TARBP1: variants seen among roughly 807,000 people sequenced by gnomAD.
TARBP1 encodes the protein tRNA guanosine 2 -O-methyltransferase TARBP1, also known as tRNA (guanosine(18)-2'-O)-methyltransferase TARBP1.
In TARBP1, 144 loss-of-function variants were observed where a neutral mutation model predicts 178.6. The observed-to-expected ratio is 0.81, with a 90% CI of 0.70 to 0.93. The LOEUF is 0.93. Among genes scored for constraint, TARBP1 ranks in the 40% least tolerant of loss-of-function variants. The pLI, the probability that TARBP1 is intolerant of heterozygous loss-of-function variation, is 0.00. For missense variants in TARBP1, 2,067 were observed against 2,011.7 expected (o/e 1.03, Z -0.53); for synonymous variants, 787 against 781.0 (o/e 1.01, Z -0.13).
chr1:234,400,948 C>A, intron 25 of TARBP1: 1 of 355,788 alleles, frequency 2.8e-6, no homozygotes, highest in Non-Finnish European at 5.2e-6. Context: ...CCAGACACTG[C>A]CTGAGAAATA....
At chr1:234,411,225 G>A (rs541263462) in intron 22 of TARBP1, among the ~76,000 whole-genome samples, 3 of 152,270 alleles carry the variant, frequency 2.0e-5, no homozygotes, top group Admixed American at 1.3e-4. Flanking sequence ...GTATAACAGC[G>A]ATTTACATAG....
intron 26 of TARBP1, among the ~76,000 whole-genome samples, chr1:234,394,133 T>C (rs1039993): frequency 0.087 from 13,214 of 152,278 alleles, 640 homozygotes; most frequent in African/African-American, 0.097. Context: ...TTGAGACACA[T>C]CTTAGAATCC....
intron 21 of TARBP1, among the ~76,000 whole-genome samples, chr1:234,418,958 GTCAGAAGA>G (rs1662750409): frequency 6.6e-6 from 1 of 152,142 alleles, no homozygotes; most frequent in African/African-American, 2.4e-5. Context: ...GGATCACAAG[GTCAGAAGA>G]TCGAGACCAT....
In TARBP1 at chr1:234,478,197, T is replaced by G. The variant is rs749038530; in HGVS notation, c.907A>C (p.Thr303Pro). The G allele has an allele frequency of 1.9e-6, 3 of 1,611,288 alleles. No individual in the cohort carries two copies. The highest frequency in any genetic ancestry group is 2.5e-6 in the Non-Finnish European group (3 of 1,179,402). Residue 303 changes from threonine (T) to proline (P), a missense_variant, in exon 1 of 30, where the codon ACC becomes CCC. By Grantham distance (38) the Thr-to-Pro change is conservative (BLOSUM62 -1). Coordinates refer to ENST00000040877, the MANE Select transcript of TARBP1 (RefSeq NM_005646.4). ...EVSAELGADC[T>P]CGPQEGNGPS... ...CCGTTTCCTTCCTGGGGCCCGCAGG[T>G]GCAGTCGGCCCCCAGCTCCGCCGAC...
chr1:234,396,895 T>A (rs935138275), intron 26 of TARBP1, among the ~76,000 whole-genome samples: 2 of 151,704 alleles, frequency 1.3e-5, no homozygotes, highest in Non-Finnish European at 2.9e-5. Flanking sequence ...GGACTCAGAA[T>A]GAGAAGGGTC....
At chr1:234,477,054 G>T (rs1323340707) in intron 1 of TARBP1, among the ~76,000 whole-genome samples, 2 of 152,148 alleles carry the variant, frequency 1.3e-5, no homozygotes, top group Non-Finnish European at 2.9e-5. Context: ...GCATGGTGGC[G>T]CATGCCTGTA....
Position 234,463,832 on chromosome 1 carries a change from C to A in TARBP1, c.1399+5G>T, listed in dbSNP as rs1668159381. 1.3e-6 allele frequency: 2 copies of A among 1,528,280 alleles called. No homozygotes were observed. Among genetic ancestry groups the A allele is most frequent in the South Asian group, 1.3e-5 (1 of 78,186 alleles). 94.7% of individuals were successfully genotyped at this position (1,528,280 alleles called of 1,614,324 possible). ...TTTTTAAAAAAACCCTTTACTGACA[C>A]ATACTCTTTATTTCTTCTGGAAGAA... On this transcript the variant is annotated splice_donor_5th_base_variant and intron_variant, in intron 6 of 29. Coordinates refer to ENST00000040877, the MANE Select transcript of TARBP1 (RefSeq NM_005646.4).
intron 1 of TARBP1, among the ~76,000 whole-genome samples, chr1:234,475,837 T>C (rs688993): frequency 0.42 from 64,013 of 152,110 alleles, 14,131 homozygotes; most frequent in African/African-American, 0.52. Flanking sequence ...CTTTCGAGAC[T>C]CCAGGCTTCA....
chr1:234,447,233 T>C (rs1029973244), intron 11 of TARBP1, among the ~76,000 whole-genome samples: 5 of 151,022 alleles, frequency 3.3e-5, no homozygotes, highest in Non-Finnish European at 5.9e-5. Context: ...GGAAATCCTA[T>C]ACCCAATTAA....
At position 234,448,548 on chromosome 1, in the gene TARBP1, A is replaced by G. The variant is rs1666417016; in HGVS notation, c.1893T>C (p.Phe631=). 1 of 1,614,118 alleles carries G rather than the reference A, an allele frequency of 6.2e-7. No individual in the cohort carries two copies. The highest frequency in any genetic ancestry group is 1.1e-5 in the South Asian group (1 of 91,090). Residue 631 remains phenylalanine (F), a synonymous_variant, in exon 11 of 30, where the codon TTT becomes TTC. Transcript: ENST00000040877. Reference sequence around the variant, plus strand: ...CCATCAGAGAAACAAGCTTGGCTTCAAACCAATCAGGCATAAAGCAGTTTT... The same window carrying G: ...CCATCAGAGAAACAAGCTTGGCTTCGAACCAATCAGGCATAAAGCAGTTTT... ...TGENCFMPDW[F]EAKLVSLMVL...
At chr1:234,460,583 C>T (rs1003898142) in intron 6 of TARBP1, among the ~76,000 whole-genome samples, 187 bp from the exon 7 acceptor site, 9 of 152,086 alleles carry the variant, frequency 5.9e-5, no homozygotes, top group African/African-American at 2.2e-4. Flanking sequence ...AACCCAGAAC[C>T]CTCACACAAT....
Position 234,429,560 on chromosome 1 carries a change from G to T in TARBP1, c.2727C>A (p.Thr909=). The change falls in exon 16 of 30, where the codon ACC becomes ACA. Residue 909 remains threonine, a synonymous_variant. Transcript: ENST00000040877. Reference sequence around the variant, plus strand: ...ACGGTTCCAGAATTTCACTCCCTGTGGTTGGTATAAGGGTGTGATATTTTT... The same window carrying T: ...ACGGTTCCAGAATTTCACTCCCTGTTGTTGGTATAAGGGTGTGATATTTTT... ...LLKKYHTLIP[T]TGSEILEPFL... is the part of the protein sequence containing the mutation. 5 of 1,614,192 alleles carry T rather than the reference G, an allele frequency of 3.1e-6. No homozygotes were observed. The highest frequency in any genetic ancestry group is 4.2e-6 in the Non-Finnish European group (5 of 1,180,040).
chr1:234,452,877 TAAA>T (rs34827804), intron 9 of TARBP1, among the ~76,000 whole-genome samples: 53 of 143,382 alleles, frequency 3.7e-4, no homozygotes, highest in Admixed American at 1.1e-3. Context: ...TAGTAAGCAC[TAAA>T]AAAAAAAAAA....
In TARBP1 at chr1:234,429,411, C is replaced by T; in HGVS notation, c.2871+5G>A. 6.2e-7 allele frequency: 1 copy of T among 1,607,194 alleles called. No homozygotes were observed. Among genetic ancestry groups the T allele is most frequent in the Non-Finnish European group, 8.5e-7 (1 of 1,177,610 alleles). ...CTGTTCAATTCATGTTTCACTCTAT[C>T]TTACCTTGGGAACCAACACTTTCAA... On this transcript the variant is annotated splice_donor_5th_base_variant and intron_variant, in intron 16 of 29. Coordinates refer to ENST00000040877, the MANE Select transcript of TARBP1 (RefSeq NM_005646.4).
rs771618547 is a variant in TARBP1, at chr1:234,478,265, G to A, written c.839C>T (p.Thr280Met). Reference protein sequence around the residue: ...QAGLGQADALTRKRARYLLQR... With the variant: ...QAGLGQADALMRKRARYLLQR... ...CAGCAGGTAGCGCGCTCGCTTGCGC[G>A]TCAGGGCGTCCGCCTGGCCCAGCCC... The change falls in exon 1 of 30, where the codon ACG (threonine) becomes ATG (methionine). Residue 280 changes from threonine to methionine, a missense_variant. Transcript: ENST00000040877. 5 of 1,600,712 alleles carry A rather than the reference G, an allele frequency of 3.1e-6. No homozygotes were observed. The African/African-American group carries it at 4.0e-5, about 13-fold the overall frequency.
intron 11 of TARBP1, among the ~76,000 whole-genome samples, chr1:234,447,541 T>G (rs181847435): frequency 6.6e-6 from 1 of 152,102 alleles, no homozygotes; most frequent in East Asian, 1.9e-4. Flanking sequence ...ACCACAGGTG[T>G]GAGCCACCAT....
chr1:234,433,261 T>C, intron 14 of TARBP1, 149 bp downstream of exon 14: 1 of 851,184 alleles, frequency 1.2e-6, no homozygotes, highest in Non-Finnish European at 1.8e-6. Flanking sequence ...GTATCAATCT[T>C]AACTACATCT....
chr1:234,419,196 A>C (rs1662804499), intron 21 of TARBP1, among the ~76,000 whole-genome samples: 1 of 151,992 alleles, frequency 6.6e-6, no homozygotes, highest in Non-Finnish European at 1.5e-5. Context: ...ATAAAAATAA[A>C]ATAAAATAAA....
chr1:234,457,562 A>T, intron 9 of TARBP1, 105 bp downstream of exon 9: 1 of 709,324 alleles, frequency 1.4e-6, no homozygotes, highest in East Asian at 3.4e-5. Flanking sequence ...GCTGACAGAT[A>T]ACAAAGCAAT....
Sources: gnomAD v4.1 joint callset for allele counts (sites outside exome capture counted in the v4.1 genomes callset) on GRCh38, gnomAD v4.1.1 for gene constraint, MANE v1.5 for transcripts, NCBI Gene and HGNC (gene_info 2026-07-23, HGNC 2026-07-21) for gene names.